DACH2: variants seen among roughly 807,000 people sequenced by gnomAD.
The protein encoded by DACH2 is dachshund homolog 2.
DACH2 carries 17 observed loss-of-function variants against 35.8 expected under a neutral mutation model. The observed-to-expected ratio is 0.48, with a 90% CI of 0.33 to 0.71. The LOEUF (loss-of-function observed/expected upper bound fraction) is 0.71, where lower values mean the gene tolerates loss of function less well. Ranked by LOEUF, DACH2 falls within the 30% of genes least tolerant of loss-of-function variation. DACH2 has a pLI of 0.02. For missense variants in DACH2, 469 were observed against 472.7 expected, an observed-to-expected ratio of 0.99 and a Z score of 0.07; for synonymous variants, 195 against 177.3, an observed-to-expected ratio of 1.10 and a Z score of -0.79.
At chrX:86,551,337 G>C (rs772067568) in intron 3 of DACH2, among the ~76,000 whole-genome samples, 1 of 111,658 alleles carries the variant, frequency 9.0e-6, no homozygotes, top group Non-Finnish European at 1.9e-5. Flanking sequence ...AGGCATCCTT[G>C]AATATTACAG....
At chrX:86,414,185 A>T (rs1173790640) in intron 2 of DACH2, among the ~76,000 whole-genome samples, 1 of 111,424 alleles carries the variant, frequency 9.0e-6, no homozygotes, top group Non-Finnish European at 1.9e-5. Context: ...AGGGGCCGTG[A>T]TTCTCTGTTT....
chrX:86,409,964 C>T (rs940669300), intron 2 of DACH2, among the ~76,000 whole-genome samples: 1 of 111,842 alleles, frequency 8.9e-6, no homozygotes, highest in African/African-American at 3.2e-5. Flanking sequence ...AATACCTGCT[C>T]TTTATTTAAC....
intron 2 of DACH2, among the ~76,000 whole-genome samples, chrX:86,474,385 T>C (rs2037808587): frequency 8.9e-6 from 1 of 111,965 alleles, no homozygotes; most frequent in Non-Finnish European, 1.9e-5. Flanking sequence ...CTTATCAATT[T>C]TTACTTTGGT....
chrX:86,368,761 G>A (rs1296408748), intron 1 of DACH2, among the ~76,000 whole-genome samples: 2 of 109,740 alleles, frequency 1.8e-5, no homozygotes, highest in African/African-American at 3.3e-5. Flanking sequence ...AAGGGGTTGC[G>A]CTAGTTGCCA....
In DACH2 at chrX:86,152,437, A is replaced by G. The variant is rs138041215; in HGVS notation, c.488+3329A>G. Among the ~76,000 whole-genome samples the G allele has an allele frequency of 8.9e-3, 993 of 111,845 alleles. 15 individuals carry two copies. Among genetic ancestry groups the G allele is most frequent in the African/African-American group, 0.031 (957 of 30,883 alleles). ...CTGAAGAAAAATGAATGAGTAAAATATATACATAATTGTTTCTTTGATAGT... is the reference window on the plus strand; with the variant it reads ...CTGAAGAAAAATGAATGAGTAAAATGTATACATAATTGTTTCTTTGATAGT... On this transcript the variant is annotated intron_variant, in intron 1 of 11. Coordinates refer to ENST00000373125, the MANE Select transcript of DACH2 (RefSeq NM_053281.3).
chrX:86,785,635 A>T (rs1286431353), intron 7 of DACH2, among the ~76,000 whole-genome samples: 2 of 111,869 alleles, frequency 1.8e-5, no homozygotes. Context: ...GAGTTTTGCT[A>T]CAAAATGTAA....
intron 1 of DACH2, among the ~76,000 whole-genome samples, chrX:86,250,263 C>T (rs2033372973): frequency 9.0e-6 from 1 of 111,525 alleles, no homozygotes; most frequent in Non-Finnish European, 1.9e-5. Context: ...TTCTTCCCAT[C>T]CTTGGCCAAG....
rs73512094 is a variant in DACH2 at position 86,204,447 on chromosome X, C to T, written c.488+55339C>T. Reference sequence around the variant, plus strand: ...GCTGTTTATTGAACTTCCGTAAGTACTCCCCAAGACTGGACTGAGCACTGT... The same window carrying T: ...GCTGTTTATTGAACTTCCGTAAGTATTCCCCAAGACTGGACTGAGCACTGT... On this transcript the variant is annotated intron_variant, in intron 1 of 11. Coordinates refer to ENST00000373125, the MANE Select transcript of DACH2 (RefSeq NM_053281.3). Among the ~76,000 whole-genome samples the T allele has an allele frequency of 5.4e-3, 608 of 111,755 alleles. 1 individual carries two copies. Among genetic ancestry groups the T allele is most frequent in the African/African-American group, 0.019 (593 of 30,796 alleles).
intron 1 of DACH2, among the ~76,000 whole-genome samples, chrX:86,183,171 C>T (rs1419543503): frequency 9.0e-6 from 1 of 111,618 alleles, no homozygotes; most frequent in Non-Finnish European, 1.9e-5. Context: ...CCCTTTATTT[C>T]TTTCTCTTGC....
chrX:86,810,043 T>A (rs2042380667), intron 7 of DACH2, among the ~76,000 whole-genome samples: 1 of 111,735 alleles, frequency 8.9e-6, no homozygotes, highest in Admixed American at 9.6e-5. Flanking sequence ...CAACACCTAA[T>A]TCAGCTGTGT....
chrX:86,437,533 A>T (rs1239749469), intron 2 of DACH2, among the ~76,000 whole-genome samples: 1 of 111,624 alleles, frequency 9.0e-6, no homozygotes, highest in African/African-American at 3.3e-5. Context: ...GAGGAAAAAT[A>T]TGAGATTTTT....
intron 2 of DACH2, among the ~76,000 whole-genome samples, chrX:86,426,889 A>G (rs2036902004): frequency 8.9e-6 from 1 of 112,422 alleles, no homozygotes; most frequent in Admixed American, 9.4e-5. Flanking sequence ...TCATAAGGAC[A>G]CATTAAATCC....
At chrX:86,664,720 A>T (rs761413574) in intron 4 of DACH2, among the ~76,000 whole-genome samples, 1 of 112,254 alleles carries the variant, frequency 8.9e-6, no homozygotes, top group African/African-American at 3.2e-5. Context: ...TGTCAGCTGC[A>T]TGATTGCCGA....
chrX:86,370,731 C>A (rs2035875179), intron 1 of DACH2, among the ~76,000 whole-genome samples: 1 of 111,533 alleles, frequency 9.0e-6, no homozygotes, highest in Non-Finnish European at 1.9e-5. Flanking sequence ...CTTTATACGA[C>A]AGAAATGATT....
intron 1 of DACH2, among the ~76,000 whole-genome samples, chrX:86,275,096 G>A (rs1197955037): frequency 9.0e-6 from 1 of 111,609 alleles, no homozygotes; most frequent in Non-Finnish European, 1.9e-5. Flanking sequence ...AGGGTTGAGA[G>A]AACTAAATGA....
At chrX:86,556,235 G>C (rs755991405) in intron 3 of DACH2, among the ~76,000 whole-genome samples, 1 of 111,291 alleles carries the variant, frequency 9.0e-6, no homozygotes, top group African/African-American at 3.3e-5. Context: ...CAATGGTGGG[G>C]AGGGCCTAAC....
At chrX:86,707,864 G>A (rs1194825585) in intron 5 of DACH2, among the ~76,000 whole-genome samples, 24 of 82,240 alleles carry the variant, frequency 2.9e-4, no homozygotes, top group Non-Finnish European at 4.2e-4. Context: ...GCAGTGAGCC[G>A]AGATCACACC....
intron 1 of DACH2, among the ~76,000 whole-genome samples, chrX:86,322,930 A>G (rs1029487815): frequency 4.6e-5 from 2 of 43,762 alleles, no homozygotes; most frequent in African/African-American, 3.2e-4. Context: ...TTGTCTTTAG[A>G]GGACATTTTT....
At chrX:86,704,038 A>G (rs1483100272) in intron 5 of DACH2, among the ~76,000 whole-genome samples, 2 of 112,423 alleles carry the variant, frequency 1.8e-5, no homozygotes, top group African/African-American at 3.2e-5. Context: ...GAGCCATCAC[A>G]TTGCTGGATT....
Sources: gnomAD v4.1 joint callset for allele counts (sites outside exome capture counted in the v4.1 genomes callset) on GRCh38, gnomAD v4.1.1 for gene constraint, MANE v1.5 for transcripts, NCBI Gene and HGNC (gene_info 2026-07-23, HGNC 2026-07-21) for gene names.